LARGE1: variants seen among roughly 807,000 people sequenced by gnomAD.
LARGE1 encodes the protein xylosyl- and glucuronyltransferase LARGE1.
Under a neutral mutation model 87.6 loss-of-function variants are expected in LARGE1, and 43 were observed. The observed-to-expected ratio is 0.49, with a 90% CI of 0.38 to 0.63. The LOEUF is 0.63. Among genes scored for constraint, LARGE1 ranks in the 30% least tolerant of loss-of-function variants. The pLI is 0.00. For missense variants in LARGE1, 802 were observed against 1,000.2 expected (o/e 0.80, Z 2.67); for synonymous variants, 434 against 394.6 (o/e 1.10, Z -1.18).
intron 1 of LARGE1, among the ~76,000 whole-genome samples, chr22:33,781,643 G>A (rs961357412): frequency 1.3e-5 from 2 of 152,174 alleles, no homozygotes; most frequent in Non-Finnish European, 2.9e-5. Flanking sequence ...TTCCATATGA[G>A]CAAATGTCAA....
intron 6 of LARGE1, among the ~76,000 whole-genome samples, chr22:33,478,274 T>C (rs187978303): frequency 1.1e-4 from 16 of 152,320 alleles, no homozygotes; most frequent in Admixed American, 9.2e-4. Context: ...GTGCCTGCCA[T>C]AGTCTCTTCT....
chr22:33,712,259 G>A (rs969467359), intron 2 of LARGE1, among the ~76,000 whole-genome samples: 1 of 152,202 alleles, frequency 6.6e-6, no homozygotes, highest in Non-Finnish European at 1.5e-5. Context: ...GGAAGCTGGA[G>A]CCTGGATTGC....
intron 11 of LARGE1, among the ~76,000 whole-genome samples, chr22:33,227,064 T>G (rs528835150): frequency 3.2e-4 from 48 of 152,246 alleles, no homozygotes; most frequent in Non-Finnish European, 6.5e-4. Context: ...CTATATTTAT[T>G]TATTTATTTA....
At chr22:33,485,312 C>T (rs914833523) in intron 6 of LARGE1, among the ~76,000 whole-genome samples, 2 of 151,688 alleles carry the variant, frequency 1.3e-5, no homozygotes, top group Admixed American at 1.3e-4. Context: ...CTCCCAGGTT[C>T]AAATAATTCT....
intron 2 of LARGE1, 56 bp from the exon 3 acceptor site, chr22:33,650,724 C>T (rs1004504952): frequency 6.3e-7 from 1 of 1,585,132 alleles, no homozygotes; most frequent in Non-Finnish European, 8.5e-7. Flanking sequence ...CCTCAAGCCC[C>T]TCCAAGTTCC....
chr22:33,334,383 C>A (rs1338524501), intron 10 of LARGE1, among the ~76,000 whole-genome samples: 1 of 145,004 alleles, frequency 6.9e-6, no homozygotes, highest in Non-Finnish European at 1.5e-5. Flanking sequence ...TGCACTCTAG[C>A]CTGGCGACAG....
the LARGE1 span, among the ~76,000 whole-genome samples, chr22:33,077,941 TC>T: frequency 1.3e-5 from 2 of 152,164 alleles, no homozygotes; most frequent in Admixed American, 1.3e-4. Flanking sequence ...TTGTTTCGTT[TC>T]CTTTTTTTTT....
intron 6 of LARGE1, among the ~76,000 whole-genome samples, chr22:33,448,863 C>T (rs2067795847): frequency 6.6e-6 from 1 of 152,186 alleles, no homozygotes; most frequent in Non-Finnish European, 1.5e-5. Flanking sequence ...AGAACTGTTC[C>T]AAGGACCTGA....
intron 9 of LARGE1, among the ~76,000 whole-genome samples, chr22:33,377,380 C>G (rs1378882918): frequency 2.0e-5 from 3 of 152,194 alleles, no homozygotes; most frequent in Admixed American, 1.3e-4. Flanking sequence ...ATAATTATCT[C>G]CAAACAATTA....
chr22:33,523,318 T>G (rs1335864424), intron 6 of LARGE1, among the ~76,000 whole-genome samples: 1 of 152,080 alleles, frequency 6.6e-6, no homozygotes, highest in Non-Finnish European at 1.5e-5. Flanking sequence ...CCCTCACTAT[T>G]GTTTTTATTT....
the LARGE1 span, among the ~76,000 whole-genome samples, chr22:33,103,459 A>C: frequency 1.3e-5 from 2 of 151,020 alleles, no homozygotes; most frequent in South Asian, 2.1e-4. Flanking sequence ...AAAAAAAAAA[A>C]AGGGAGGTCA....
intron 6 of LARGE1, among the ~76,000 whole-genome samples, chr22:33,553,067 C>T (rs1259802851): frequency 1.3e-5 from 2 of 152,132 alleles, no homozygotes; most frequent in African/African-American, 2.4e-5. Flanking sequence ...ATAACCATTT[C>T]TCAGGCTTCT....
rs111253967 is a variant in LARGE1 at position 33,707,326 on chromosome 22, G to A, written c.106+54045C>T. Reference sequence around the variant, plus strand: ...TTAGTAAAATACAGGGAGTATCCAGGTGAATGGGAAAAACATTCAACCTCC... The same window carrying A: ...TTAGTAAAATACAGGGAGTATCCAGATGAATGGGAAAAACATTCAACCTCC... On this transcript the variant is annotated intron_variant, in intron 2 of 14. Coordinates refer to ENST00000397394, the MANE Select transcript of LARGE1 (RefSeq NM_133642.5). 3.9e-3 allele frequency among the ~76,000 whole-genome samples: 593 copies of A among 152,340 alleles called. 4 individuals are homozygous for A. Among genetic ancestry groups the A allele is most frequent in the Middle Eastern group, 6.8e-3 (2 of 294 alleles).
At chr22:33,139,803 C>T in the LARGE1 span, among the ~76,000 whole-genome samples, 1 of 152,214 alleles carries the variant, frequency 6.6e-6, no homozygotes, top group East Asian at 1.9e-4. Flanking sequence ...TTTCCCCATG[C>T]TCTTTTCCAA....
intron 11 of LARGE1, among the ~76,000 whole-genome samples, chr22:33,224,720 T>C (rs2145634990): frequency 6.6e-6 from 1 of 152,090 alleles, no homozygotes. Flanking sequence ...CTGCATGCCT[T>C]GTCAAAGGCA....
In LARGE1 at chr22:33,394,419, C is replaced by T. The variant is rs577086487; in HGVS notation, c.893-10115G>A. On this transcript the variant is annotated intron_variant, in intron 7 of 14. Transcript: ENST00000397394. ...TTCACCATGTTGGCCAGGCTGGTCT[C>T]GAACTCCTGACCTCGTAATCCGCAT... is the stretch of plus-strand genomic sequence containing the variant. 3.3e-5 allele frequency among the ~76,000 whole-genome samples: 5 copies of T among 152,184 alleles called. No homozygotes were observed. In the East Asian group the frequency reaches 9.7e-4, roughly 29 times the overall value.
intron 2 of LARGE1, among the ~76,000 whole-genome samples, chr22:33,659,085 G>A (rs1018917121): frequency 6.6e-6 from 1 of 152,146 alleles, no homozygotes; most frequent in Non-Finnish European, 1.5e-5. Context: ...CTGCTTCCTG[G>A]AAGACAGTCT....
At chr22:33,415,954 G>T (rs1333804967) in intron 7 of LARGE1, among the ~76,000 whole-genome samples, 1 of 152,134 alleles carries the variant, frequency 6.6e-6, no homozygotes, top group Non-Finnish European at 1.5e-5. Flanking sequence ...TCCCAGCCTC[G>T]ACATGACAGG....
At chr22:33,454,303 A>T (rs1236221361) in intron 6 of LARGE1, among the ~76,000 whole-genome samples, 1 of 152,130 alleles carries the variant, frequency 6.6e-6, no homozygotes, top group Non-Finnish European at 1.5e-5. Flanking sequence ...AAAATGCCTG[A>T]GACTAGGTAA....
Sources: allele counts gnomAD v4.1 joint callset (sites outside exome capture counted in the v4.1 genomes callset), GRCh38; gene constraint gnomAD v4.1.1; transcripts MANE v1.5; gene names NCBI Gene and HGNC (gene_info 2026-07-23, HGNC 2026-07-21).